Variants in CCDC7 observed in about 807,000 individuals in gnomAD.
CCDC7 encodes coiled-coil domain containing 7, also known as coiled-coil domain-containing protein 7.
CCDC7 carries 183 observed loss-of-function variants against 196.9 expected under a neutral mutation model. That is an observed-to-expected ratio of 0.93 (90% CI 0.82 to 1.05). CCDC7 has a LOEUF of 1.05. Ranked by LOEUF, CCDC7 falls within the 50% of genes least tolerant of loss-of-function variation. CCDC7 has a pLI of 0.00. For missense variants in CCDC7, 1,540 were observed against 1,482.2 expected (o/e 1.04, Z -0.64); for synonymous variants, 525 against 484.6 (o/e 1.08, Z -1.10).
At chr10:32,681,174 A>G (rs920369792) in intron 21 of CCDC7, among the ~76,000 whole-genome samples, 2 of 152,140 alleles carry the variant, frequency 1.3e-5, no homozygotes, top group Non-Finnish European at 2.9e-5. Context: ...CTAGTAAGTA[A>G]TTGCTGTGCT....
At chr10:32,508,594 C>T (rs2045573468) in intron 9 of CCDC7, among the ~76,000 whole-genome samples, 1 of 152,064 alleles carries the variant, frequency 6.6e-6, no homozygotes, top group African/African-American at 2.4e-5. Context: ...CAAATTTTAG[C>T]AAGAGTAGTA....
At chr10:32,508,892 CAAA>C (rs1162700280) in intron 9 of CCDC7, among the ~76,000 whole-genome samples, 2 of 149,392 alleles carry the variant, frequency 1.3e-5, no homozygotes, top group Non-Finnish European at 3.0e-5. Flanking sequence ...CTTGGCCTCC[CAAA>C]GTGCTAGGAT....
intron 32 of CCDC7, among the ~76,000 whole-genome samples, chr10:32,828,478 AGG>A (rs2091591534): frequency 1.1e-5 from 1 of 90,894 alleles, no homozygotes; most frequent in South Asian, 3.6e-4. Context: ...GAAGAGGAAG[AGG>A]AAGAGGAAGA....
intron 12 of CCDC7, among the ~76,000 whole-genome samples, chr10:32,543,741 C>T (rs188336888): frequency 1.8e-3 from 267 of 152,052 alleles, no homozygotes; most frequent in Middle Eastern, 0.014. Flanking sequence ...TTCTTTTCTA[C>T]TGTACTTATT....
chr10:32,543,160 T>C (rs2051799329), intron 11 of CCDC7, 140 bp from the exon 13 acceptor site: 1 of 862,902 alleles, frequency 1.2e-6, no homozygotes, highest in South Asian at 3.9e-5. Flanking sequence ...TTTATTTTGC[T>C]TCTATGCAGA....
At chr10:32,789,272 A>G (rs2082326666) in intron 29 of CCDC7, among the ~76,000 whole-genome samples, 1 of 152,178 alleles carries the variant, frequency 6.6e-6, no homozygotes, top group Non-Finnish European at 1.5e-5. Context: ...GGAGATTTAT[A>G]AACTGTCTGA....
At position 32,451,738 on chromosome 10, in the gene CCDC7, A is replaced by T. The variant is rs776038567; in HGVS notation, c.96A>T (p.Ser32=). 26 of 1,614,070 alleles carry T rather than the reference A, an allele frequency of 1.6e-5. No homozygotes were observed. The Admixed American group carries it at 4.3e-4, about 27-fold the overall frequency. The change falls in exon 1 of 42, where the codon TCA becomes TCT. Residue 32 remains serine, a synonymous_variant. Coordinates refer to ENST00000639629, the Ensembl canonical transcript of CCDC7. The stretch of plus-strand genomic sequence containing the variant: ...AAGGACTACATAATTTACCATTATC[A>T]CCTGAGCTAAAGGAAAAACATAATG...
At chr10:32,660,191 T>C in intron 20 of CCDC7, among the ~76,000 whole-genome samples, 1 of 149,692 alleles carries the variant, frequency 6.7e-6, no homozygotes, top group Non-Finnish European at 1.5e-5. Context: ...TAGTTACATA[T>C]GTATACATGT....
At chr10:32,680,314 TAA>T (rs1217669051) in intron 21 of CCDC7, among the ~76,000 whole-genome samples, 15 of 152,162 alleles carry the variant, frequency 9.9e-5, no homozygotes, top group Non-Finnish European at 1.5e-4. Context: ...AGGCCTTGGA[TAA>T]GTCAGTGGGG....
At chr10:32,511,264 G>C (rs1272212460) in intron 9 of CCDC7, 14 of 543,948 alleles carry the variant, frequency 2.6e-5, no homozygotes, top group South Asian at 1.6e-4. Context: ...TGGGGGGCGG[G>C]GGGGGCGGGG....
chr10:32,658,502 G>A lies in CCDC7; in HGVS notation c.2015-5552G>A, dbSNP rs372211245. ...TCATGAGAATAGCATGGAGGTTGGC[G>A]CCCTCATCATTCAATTACCTCCTGC... On this transcript the variant is annotated intron_variant, in intron 20 of 41. Coordinates refer to ENST00000639629, the Ensembl canonical transcript of CCDC7. 6.9e-4 allele frequency among the ~76,000 whole-genome samples: 105 copies of A among 152,128 alleles called. 1 individual carries two copies. In the East Asian group the frequency reaches 0.013, roughly 18 times the overall value.
At chr10:32,674,204 AT>A (rs943669221) in intron 21 of CCDC7, among the ~76,000 whole-genome samples, 3 of 149,514 alleles carry the variant, frequency 2.0e-5, no homozygotes, top group African/African-American at 4.9e-5. Context: ...CATTTGAAAT[AT>A]TTTTTATAGT....
chr10:32,656,264 G>A (rs984550723), intron 20 of CCDC7, among the ~76,000 whole-genome samples: 1 of 152,172 alleles, frequency 6.6e-6, no homozygotes, highest in Non-Finnish European at 1.5e-5. Context: ...AATTAAATTA[G>A]TATGTCAAAG....
intron 20 of CCDC7, among the ~76,000 whole-genome samples, chr10:32,653,597 A>G (rs1023152869): frequency 3.9e-5 from 6 of 152,114 alleles, no homozygotes; most frequent in African/African-American, 1.4e-4. Flanking sequence ...CTGTGGATGG[A>G]TAGGGTTCTT....
rs547933270 is a variant in CCDC7 at position 32,777,778 on chromosome 10, C to A, written c.2906-1199C>A. Among the ~76,000 whole-genome samples, 10 of 152,190 alleles carry A rather than the reference C, an allele frequency of 6.6e-5. No individual in the cohort carries two copies. The South Asian group carries it at 2.1e-3, about 32-fold the overall frequency. On this transcript the variant is annotated intron_variant, in intron 28 of 41. Coordinates refer to ENST00000639629, the Ensembl canonical transcript of CCDC7. ...ACTCTGGAGGCTGAAACAGGAGAATCGCTTGAACCTGGGAGGCGGAGGTTG... is the reference window on the plus strand; with the variant it reads ...ACTCTGGAGGCTGAAACAGGAGAATAGCTTGAACCTGGGAGGCGGAGGTTG...
chr10:32,669,248 CT>C (rs1565057035), intron 21 of CCDC7, among the ~76,000 whole-genome samples: 1 of 152,146 alleles, frequency 6.6e-6, no homozygotes, highest in African/African-American at 2.4e-5. Flanking sequence ...ATAAACCACA[CT>C]TGATCATGGT....
chr10:32,874,906 C>T (rs2094554811), intron 41 of CCDC7, among the ~76,000 whole-genome samples: 1 of 151,744 alleles, frequency 6.6e-6, no homozygotes, highest in South Asian at 2.1e-4. Context: ...AGGTTTTCTT[C>T]TAGAATTTTT....
At chr10:32,465,903 G>A (rs1211360660) in intron 5 of CCDC7, among the ~76,000 whole-genome samples, 1 of 152,156 alleles carries the variant, frequency 6.6e-6, no homozygotes, top group Non-Finnish European at 1.5e-5. Flanking sequence ...GGGTAAATGT[G>A]AAATGTGGAA....
intron 9 of CCDC7, chr10:32,511,787 G>T: frequency 1.5e-6 from 2 of 1,319,540 alleles, no homozygotes; most frequent in Non-Finnish European, 2.2e-6. Context: ...GAAAGCGGTC[G>T]GGCAACGATG....
Sources: gnomAD v4.1 joint callset for allele counts (sites outside exome capture counted in the v4.1 genomes callset) on GRCh38, gnomAD v4.1.1 for gene constraint, MANE v1.5 for transcripts, NCBI Gene and HGNC (gene_info 2026-07-23, HGNC 2026-07-21) for gene names.